Variants in PLCE1 observed in about 807,000 individuals in gnomAD.
PLCE1 encodes the protein phospholipase C epsilon 1.
In PLCE1, 119 loss-of-function variants were observed where a neutral mutation model predicts 242.8. That is an observed-to-expected ratio of 0.49 (90% CI 0.42 to 0.57). PLCE1 has a LOEUF of 0.57. Among genes scored for constraint, PLCE1 ranks in the 20% least tolerant of loss-of-function variants. The probability of loss-of-function intolerance (pLI) is 0.00; values close to 1 mark genes in which losing one functional copy is unlikely to be tolerated. For missense variants in PLCE1, 2,441 were observed against 2,788.8 expected (o/e 0.88, Z 2.81); for synonymous variants, 945 against 1,017.4 (o/e 0.93, Z 1.35).
chr10:94,043,285 G>A (rs1019690604), intron 2 of PLCE1, among the ~76,000 whole-genome samples: 2 of 152,168 alleles, frequency 1.3e-5, no homozygotes, highest in African/African-American at 2.4e-5. Context: ...AAGCGCAGTC[G>A]AACCCGCTAT....
intron 2 of PLCE1, among the ~76,000 whole-genome samples, chr10:94,068,172 G>A (rs1366869780): frequency 6.6e-6 from 1 of 152,070 alleles, no homozygotes; most frequent in African/African-American, 2.4e-5. Flanking sequence ...CTCTGCTTTT[G>A]TTCACCTAAA....
At chr10:94,012,218 C>T (rs2061183219) in intron 1 of PLCE1, among the ~76,000 whole-genome samples, 1 of 151,978 alleles carries the variant, frequency 6.6e-6, no homozygotes, top group Admixed American at 6.6e-5. Context: ...AAGTCTCACC[C>T]CTCCGGTCTC....
At chr10:94,112,193 T>C (rs1277880724) in intron 2 of PLCE1, among the ~76,000 whole-genome samples, 1 of 152,170 alleles carries the variant, frequency 6.6e-6, no homozygotes, top group Non-Finnish European at 1.5e-5. Context: ...TAAAATATTC[T>C]TTTTTAAAAA....
chr10:94,320,423 G>A (rs1369429657), intron 29 of PLCE1, among the ~76,000 whole-genome samples: 1 of 152,212 alleles, frequency 6.6e-6, no homozygotes, highest in African/African-American at 2.4e-5. Flanking sequence ...ATTGGGGCAA[G>A]CTTCAGAAGC....
chr10:94,001,732 T>G (rs2060934810), intron 1 of PLCE1, among the ~76,000 whole-genome samples: 1 of 152,268 alleles, frequency 6.6e-6, no homozygotes, highest in South Asian at 2.1e-4. Flanking sequence ...TCAATTCATT[T>G]GTTGTTATTA....
chr10:94,287,130 G>A (rs1309101009), intron 22 of PLCE1: 2 of 152,094 alleles, frequency 1.3e-5, no homozygotes, highest in Admixed American at 1.3e-4. Context: ...GTGGTTGTTC[G>A]GCTTATTTTA....
At chr10:94,008,652 T>C (rs992107928) in intron 1 of PLCE1, among the ~76,000 whole-genome samples, 34 of 152,326 alleles carry the variant, frequency 2.2e-4, no homozygotes, top group African/African-American at 7.7e-4. Context: ...TGATAGAATA[T>C]GCCTTGTTTC....
At chr10:94,256,338 A>AAAGAAAG (rs1554896747) in intron 11 of PLCE1, among the ~76,000 whole-genome samples, 1 of 140,440 alleles carries the variant, frequency 7.1e-6, no homozygotes, top group South Asian at 2.2e-4. Flanking sequence ...AAAAAAAAAA[A>AAAGAAAG]AAAGAAAGAA....
At chr10:93,996,493 G>C (rs767617599) in intron 1 of PLCE1, among the ~76,000 whole-genome samples, 5 of 152,168 alleles carry the variant, frequency 3.3e-5, no homozygotes, top group Non-Finnish European at 7.3e-5. Flanking sequence ...AGTTATGTAA[G>C]GCCCAAAGAG....
chr10:94,194,881 T>C (rs1417838368), intron 4 of PLCE1, among the ~76,000 whole-genome samples: 1 of 152,112 alleles, frequency 6.6e-6, no homozygotes, highest in Non-Finnish European at 1.5e-5. Flanking sequence ...GATAAGAAAA[T>C]TTTCCTTGCT....
At position 94,121,366 on chromosome 10, in the gene PLCE1, C is replaced by T. The variant is rs150406588; in HGVS notation, c.1207-10808C>T. On this transcript the variant is annotated intron_variant, in intron 2 of 32. Coordinates refer to ENST00000371380, the MANE Select transcript of PLCE1 (RefSeq NM_016341.4). ...AGTGGAAGAACAGAAGCAAACTATC[C>T]CTGAGCATAGGAGGGGCTCCATCAC... 1.6e-3 allele frequency among the ~76,000 whole-genome samples: 242 copies of T among 152,210 alleles called. 2 individuals are homozygous for T. The highest frequency in any genetic ancestry group is 5.6e-3 in the African/African-American group (234 of 41,528).
At position 94,220,541 on chromosome 10, in the gene PLCE1, A is replaced by C. The variant is rs77910564; in HGVS notation, c.1810-6765A>C. On this transcript the variant is annotated intron_variant, in intron 4 of 32. Transcript: ENST00000371380. Reference sequence around the variant, plus strand: ...AAGAGAAGACTGTACTCGGGGCACAAACCCTTCTCAGGGCAGTCACAGATT... The same window carrying C: ...AAGAGAAGACTGTACTCGGGGCACACACCCTTCTCAGGGCAGTCACAGATT... Among the ~76,000 whole-genome samples the C allele has an allele frequency of 1.0e-3, 155 of 151,504 alleles. 5 individuals carry two copies. In the East Asian group the frequency reaches 0.028, roughly 27 times the overall value.
chr10:94,069,860 C>T (rs955256231), intron 2 of PLCE1, among the ~76,000 whole-genome samples: 5 of 152,074 alleles, frequency 3.3e-5, no homozygotes, highest in Admixed American at 1.3e-4. Flanking sequence ...TTCTGAGGAG[C>T]GGGGTGGAGT....
At chr10:94,053,137 C>A (rs778776119) in intron 2 of PLCE1, among the ~76,000 whole-genome samples, 3 of 152,130 alleles carry the variant, frequency 2.0e-5, no homozygotes, top group Non-Finnish European at 4.4e-5. Context: ...GAGCTGGGCT[C>A]TGGAAGGAGT....
intron 3 of PLCE1, among the ~76,000 whole-genome samples, chr10:94,168,579 T>C (rs1173466105): frequency 6.6e-6 from 1 of 152,216 alleles, no homozygotes; most frequent in Non-Finnish European, 1.5e-5. Context: ...TTTAATTTAT[T>C]TGGGCCTCTC....
chr10:94,098,134 A>G (rs1054585080), intron 2 of PLCE1, among the ~76,000 whole-genome samples: 2 of 152,362 alleles, frequency 1.3e-5, no homozygotes, highest in South Asian at 2.1e-4. Flanking sequence ...ATGACTTTTC[A>G]TGTCGTCAAG....
In PLCE1 at chr10:94,234,054, G is replaced by T; in HGVS notation, c.1956G>T (p.Arg652Ser). The change falls in exon 6 of 33, where the codon AGG becomes AGT. Residue 652 changes from arginine to serine, a missense_variant and splice_region_variant. Coordinates refer to ENST00000371380, the MANE Select transcript of PLCE1 (RefSeq NM_016341.4). The part of the protein sequence containing the change: ...NAVMEFLAGL[R>S]SRKVLKMWQF... ...GAAAAATGTCATTTACTTGCAATAG[G>T]TCAAGAAAAGTTTTAAAAATGTGGC... The T allele has an allele frequency of 6.2e-7, 1 of 1,613,042 alleles. No individual in the cohort carries two copies. The highest frequency in any genetic ancestry group is 1.3e-5 in the African/African-American group (1 of 75,032).
At chr10:94,065,198 G>A (rs888536406) in intron 2 of PLCE1, among the ~76,000 whole-genome samples, 3 of 152,080 alleles carry the variant, frequency 2.0e-5, no homozygotes, top group African/African-American at 7.2e-5. Context: ...CTGGACCTTT[G>A]TCTTCCCTGG....
intron 4 of PLCE1, among the ~76,000 whole-genome samples, chr10:94,196,793 G>A (rs923675879): frequency 4.6e-5 from 7 of 151,986 alleles, no homozygotes; most frequent in Admixed American, 3.3e-4. Context: ...TTTTTGGTTT[G>A]CCTGTTGCTT....
Sources: gnomAD v4.1 joint callset for allele counts (sites outside exome capture counted in the v4.1 genomes callset) on GRCh38, gnomAD v4.1.1 for gene constraint, MANE v1.5 for transcripts, NCBI Gene and HGNC (gene_info 2026-07-23, HGNC 2026-07-21) for gene names.